Variants in DACH2 observed in about 807,000 individuals in gnomAD.
DACH2 encodes dachshund homolog 2.
A neutral mutation model predicts 35.8 loss-of-function variants in DACH2; 17 were observed. The ratio of observed to expected loss-of-function variants is 0.48; its 90% CI spans 0.33 to 0.71. DACH2 has a LOEUF of 0.71. DACH2 is among the 30% of genes least tolerant of loss of function. The pLI is 0.02. For missense variants in DACH2, 469 were observed against 472.7 expected (o/e 0.99, Z 0.07); for synonymous variants, 195 against 177.3 (o/e 1.10, Z -0.79).
intron 3 of DACH2, among the ~76,000 whole-genome samples, chrX:86,564,188 G>C (rs1399151174): frequency 1.8e-5 from 2 of 110,793 alleles, no homozygotes; most frequent in Non-Finnish European, 3.8e-5. Context: ...TAAATTCTGG[G>C]ATTACCTGAG....
At chrX:86,270,121 T>C (rs753182704) in intron 1 of DACH2, among the ~76,000 whole-genome samples, 1 of 105,788 alleles carries the variant, frequency 9.5e-6, no homozygotes, top group Non-Finnish European at 1.9e-5. Context: ...TTGGCTTGGC[T>C]TGGGGGTGGG....
chrX:86,422,004 A>G (rs2036811232), intron 2 of DACH2, among the ~76,000 whole-genome samples: 1 of 111,361 alleles, frequency 9.0e-6, no homozygotes, highest in South Asian at 3.7e-4. Flanking sequence ...GGGCCAGAAT[A>G]CAGCTGAAAA....
intron 4 of DACH2, among the ~76,000 whole-genome samples, chrX:86,654,012 T>C (rs1229816288): frequency 1.8e-5 from 2 of 108,649 alleles, no homozygotes; most frequent in Admixed American, 2.0e-4. Flanking sequence ...TGGCCAGCTT[T>C]GTTCCTCTCT....
At chrX:86,199,379 A>C (rs5922235) in intron 1 of DACH2, among the ~76,000 whole-genome samples, 36,624 of 109,972 alleles carry the variant, frequency 0.33, 5,832 homozygotes, top group Non-Finnish European at 0.49. Flanking sequence ...CTCTCTCACC[A>C]CTCCTATTCA....
intron 2 of DACH2, among the ~76,000 whole-genome samples, chrX:86,498,925 C>A (rs1309614042): frequency 9.0e-6 from 1 of 111,497 alleles, no homozygotes; most frequent in African/African-American, 3.3e-5. Flanking sequence ...TTGTATATTA[C>A]TTTTAAATGT....
At chrX:86,343,616 T>C (rs2035449277) in intron 1 of DACH2, among the ~76,000 whole-genome samples, 1 of 111,751 alleles carries the variant, frequency 8.9e-6, no homozygotes, top group Admixed American at 9.6e-5. Context: ...GAATAACAGC[T>C]AAAGTGATAA....
At chrX:86,290,905 G>T (rs1240522462) in intron 1 of DACH2, among the ~76,000 whole-genome samples, 1 of 108,230 alleles carries the variant, frequency 9.2e-6, no homozygotes, top group African/African-American at 3.4e-5. Flanking sequence ...TGGCGATGCG[G>T]GCTCTTTTTT....
chrX:86,411,092 C>T lies in DACH2; in HGVS notation c.527+34230C>T, dbSNP rs750641735. On this transcript the variant is annotated intron_variant, in intron 2 of 11. Coordinates refer to ENST00000373125, the MANE Select transcript of DACH2 (RefSeq NM_053281.3). The stretch of plus-strand genomic sequence containing the variant: ...GTATTAACTTACACGATCACAGGGT[C>T]CCACAATAGGCTGTCTTCAAGCTGC... 1.2e-4 allele frequency among the ~76,000 whole-genome samples: 11 copies of T among 91,092 alleles called. 1 individual carries two copies. In the East Asian group the frequency reaches 4.1e-3, roughly 34 times the overall value. The allele number at this position is 91,092 out of a possible 115,157, so 79.1% of individuals were successfully genotyped here. A position where few individuals can be genotyped will look rare whatever the true frequency, so the allele number is the denominator to read the frequency against.
intron 4 of DACH2, among the ~76,000 whole-genome samples, chrX:86,682,325 G>A (rs1436892979): frequency 8.9e-6 from 1 of 112,136 alleles, no homozygotes; most frequent in Non-Finnish European, 1.9e-5. Flanking sequence ...GTGATTTAGT[G>A]TGTGTGTTCT....
At chrX:86,529,128 T>A (rs1476349711) in intron 3 of DACH2, among the ~76,000 whole-genome samples, 1 of 112,100 alleles carries the variant, frequency 8.9e-6, no homozygotes, top group Non-Finnish European at 1.9e-5. Flanking sequence ...CACTGCAACC[T>A]CAAATGTCTG....
chrX:86,485,047 T>C (rs1321168955), intron 2 of DACH2, among the ~76,000 whole-genome samples: 2 of 111,969 alleles, frequency 1.8e-5, no homozygotes, highest in Non-Finnish European at 3.8e-5. Context: ...TAGCTCTGCA[T>C]GTGTATTTTT....
intron 3 of DACH2, among the ~76,000 whole-genome samples, chrX:86,603,794 G>C: frequency 9.0e-6 from 1 of 111,082 alleles, no homozygotes; most frequent in Middle Eastern, 4.7e-3. Flanking sequence ...CTTCTCTTAA[G>C]TATTCTCATT....
chrX:86,676,426 C>T (rs1214319999), intron 4 of DACH2, among the ~76,000 whole-genome samples: 1 of 111,191 alleles, frequency 9.0e-6, no homozygotes, highest in Non-Finnish European at 1.9e-5. Flanking sequence ...TCTTACATCC[C>T]TAGTCTGCCT....
At chrX:86,552,459 T>C (rs1451461416) in intron 3 of DACH2, among the ~76,000 whole-genome samples, 1 of 112,095 alleles carries the variant, frequency 8.9e-6, no homozygotes, top group Non-Finnish European at 1.9e-5. Flanking sequence ...ATGGGCATTA[T>C]TGCAAAGCAC....
intron 3 of DACH2, among the ~76,000 whole-genome samples, chrX:86,599,131 A>G (rs1343525255): frequency 9.0e-6 from 1 of 110,759 alleles, no homozygotes; most frequent in East Asian, 2.9e-4. Context: ...AAGGACATGA[A>G]CTCATCCTTT....
chrX:86,653,824 A>T (rs920598963), intron 4 of DACH2, among the ~76,000 whole-genome samples: 2 of 108,150 alleles, frequency 1.8e-5, no homozygotes, highest in South Asian at 4.1e-4. Context: ...CCATCACCAC[A>T]CCTGGCTAAT....
At chrX:86,363,083 G>A (rs1311683545) in intron 1 of DACH2, among the ~76,000 whole-genome samples, 1 of 110,378 alleles carries the variant, frequency 9.1e-6, no homozygotes, top group African/African-American at 3.3e-5. Context: ...GAAAAAATAT[G>A]TGACAATAAT....
chrX:86,318,478 G>T (rs1338475312), intron 1 of DACH2, among the ~76,000 whole-genome samples: 3 of 111,493 alleles, frequency 2.7e-5, no homozygotes, highest in African/African-American at 9.8e-5. Context: ...TGTCCAGGGT[G>T]GTTACAATCA....
At chrX:86,527,154 A>G (rs1412088652) in intron 3 of DACH2, among the ~76,000 whole-genome samples, 9 of 111,569 alleles carry the variant, frequency 8.1e-5, no homozygotes, top group Non-Finnish European at 1.7e-4. Context: ...ATCTATAGTT[A>G]TTTGAGAAGA....
Sources: gnomAD v4.1 joint callset for allele counts (sites outside exome capture counted in the v4.1 genomes callset) on GRCh38, gnomAD v4.1.1 for gene constraint, MANE v1.5 for transcripts, NCBI Gene and HGNC (gene_info 2026-07-23, HGNC 2026-07-21) for gene names.